Variants in EPHB2 observed in about 807,000 individuals in gnomAD.
The protein encoded by EPHB2 is EPH receptor B2.
EPHB2 carries 18 observed loss-of-function variants against 96.4 expected under a neutral mutation model. The ratio of observed to expected loss-of-function variants is 0.19; its 90% confidence interval spans 0.13 to 0.28. The LOEUF (loss-of-function observed/expected upper bound fraction) is 0.28. Ranked by LOEUF, EPHB2 falls within the 10% of genes least tolerant of loss-of-function variation. EPHB2 has a pLI of 1.00. For synonymous variants in EPHB2, 506 were observed against 534.1 expected (o/e 0.95, Z 0.72); for missense variants, 989 against 1,355.4 (o/e 0.73, Z 4.25).
chr1:22,854,460 C>T (rs1352498933), intron 3 of EPHB2, among the ~76,000 whole-genome samples: 3 of 152,028 alleles, frequency 2.0e-5, no homozygotes, highest in Non-Finnish European at 4.4e-5. Flanking sequence ...TGCAGTGAGC[C>T]GTGATTGCAC....
chr1:22,713,219 A>C (rs1282797508), intron 1 of EPHB2, among the ~76,000 whole-genome samples: 1 of 152,154 alleles, frequency 6.6e-6, no homozygotes, highest in African/African-American at 2.4e-5. Flanking sequence ...CCCCCTGGAC[A>C]CTAGGAAGTT....
At chr1:22,856,308 G>A (rs1225015957) in intron 3 of EPHB2, among the ~76,000 whole-genome samples, 1 of 152,186 alleles carries the variant, frequency 6.6e-6, no homozygotes, top group East Asian at 1.9e-4. Flanking sequence ...CAGAGCCCAG[G>A]GGCAGGCGGG....
At chr1:22,880,061 A>G (rs10753547) in intron 5 of EPHB2, among the ~76,000 whole-genome samples, 137,629 of 151,828 alleles carry the variant, frequency 0.91, 63,900 homozygotes, top group East Asian at 1. Flanking sequence ...TCTCGGTGTC[A>G]AGGGCTGCAG....
chr1:22,734,512 C>T (rs1426201052), intron 1 of EPHB2, among the ~76,000 whole-genome samples: 2 of 151,408 alleles, frequency 1.3e-5, no homozygotes, highest in Non-Finnish European at 2.9e-5. Context: ...ACCTCTGCCT[C>T]CTGGGTTCAA....
intron 1 of EPHB2, among the ~76,000 whole-genome samples, chr1:22,766,760 A>G (rs1249830130): frequency 6.6e-6 from 1 of 152,136 alleles, no homozygotes; most frequent in Non-Finnish European, 1.5e-5. Context: ...TCCGGGTCCA[A>G]TTTGCCCTTT....
intron 3 of EPHB2, among the ~76,000 whole-genome samples, chr1:22,805,562 C>G (rs76665242): frequency 0.038 from 5,735 of 152,260 alleles, 167 homozygotes; most frequent in Non-Finnish European, 0.052. Context: ...CTACAACCAC[C>G]CAGTCCAGAC....
chr1:22,738,498 A>G (rs1643868903), intron 1 of EPHB2, among the ~76,000 whole-genome samples: 1 of 152,230 alleles, frequency 6.6e-6, no homozygotes, highest in Admixed American at 6.5e-5. Context: ...ATTGCAGATG[A>G]GAAAACCAAG....
In EPHB2 at chr1:22,906,587, A is replaced by G. The variant is rs139005876; in HGVS notation, c.1889-123A>G. The G allele has an allele frequency of 9.2e-5, 134 of 1,460,160 alleles. No individual in the cohort carries two copies. The African/African-American group carries it at 1.6e-3, about 18-fold the overall frequency. The allele number at this position is 1,460,160 out of a possible 1,614,324, so 90.5% of individuals were successfully genotyped here. On this transcript the variant is annotated intron_variant, in intron 10 of 15. Transcript: ENST00000374630. The surrounding 1 kb of genome is among the most constrained non-coding windows in gnomAD (Gnocchi z 4.8). ...TTGAAGGGGTTCTGTGTCTGCAAGG[A>G]TGAGTGGGCCATTGAGAAGAAAATG... is the stretch of plus-strand genomic sequence containing the variant.
intron 5 of EPHB2, among the ~76,000 whole-genome samples, chr1:22,868,759 T>A (rs1428528202): frequency 2.0e-5 from 3 of 152,274 alleles, no homozygotes; most frequent in Non-Finnish European, 4.4e-5. Flanking sequence ...GCAGATTTAC[T>A]TGGTAAAGGA....
chr1:22,755,699 G>T (rs4655103), intron 1 of EPHB2, among the ~76,000 whole-genome samples: 140,988 of 152,242 alleles, frequency 0.93, 66,245 homozygotes, highest in East Asian at 1. Context: ...TCTGTAAAAT[G>T]GGACTAATAC....
At chr1:22,713,424 T>G (rs1204123784) in intron 1 of EPHB2, among the ~76,000 whole-genome samples, 1 of 152,102 alleles carries the variant, frequency 6.6e-6, no homozygotes, top group African/African-American at 2.4e-5. Context: ...CTACTTCCCC[T>G]CTTTGAGCCT....
intron 1 of EPHB2, among the ~76,000 whole-genome samples, chr1:22,718,371 T>C (rs1643346240): frequency 6.8e-6 from 1 of 146,340 alleles, no homozygotes; most frequent in Non-Finnish European, 1.5e-5. Context: ...TGGGAATGGC[T>C]GTCAATTCTT....
In EPHB2 at chr1:22,763,436, C is replaced by T. The variant is rs150204071; in HGVS notation, c.62-17985C>T. Reference sequence around the variant, plus strand: ...GGGCCCAGTCACACAGGACCAGCACCTGCCCTGCCTCAGCTCCAAGCCTCT... The same window carrying T: ...GGGCCCAGTCACACAGGACCAGCACTTGCCCTGCCTCAGCTCCAAGCCTCT... On this transcript the variant is annotated intron_variant, in intron 1 of 15. Transcript: ENST00000374630. Among the ~76,000 whole-genome samples the T allele has an allele frequency of 4.7e-3, 716 of 152,268 alleles. 3 individuals carry two copies. The highest frequency in any genetic ancestry group is 8.3e-3 in the Non-Finnish European group (566 of 68,018).
chr1:22,740,010 A>G (rs1412921896), intron 1 of EPHB2, among the ~76,000 whole-genome samples: 1 of 152,200 alleles, frequency 6.6e-6, no homozygotes, highest in Admixed American at 6.5e-5. Flanking sequence ...CCTTAGAGAA[A>G]CCAGGCGCTG....
At chr1:22,864,650 A>G (rs910022649) in intron 4 of EPHB2, among the ~76,000 whole-genome samples, 10 of 152,216 alleles carry the variant, frequency 6.6e-5, no homozygotes, top group African/African-American at 2.4e-4. Flanking sequence ...TACTATCCTC[A>G]GTAACAAACA....
chr1:22,908,492 T>C (rs910073102), intron 12 of EPHB2, among the ~76,000 whole-genome samples: 16 of 152,312 alleles, frequency 1.1e-4, no homozygotes, highest in African/African-American at 3.8e-4. Flanking sequence ...CATGTTCTCA[T>C]GGCAAAGTCC....
At chr1:22,730,622 AGAGGGGGTTCAGGGATATCTGGGG>A (rs1370859670) in intron 1 of EPHB2, among the ~76,000 whole-genome samples, 1 of 150,632 alleles carries the variant, frequency 6.6e-6, no homozygotes, top group Non-Finnish European at 1.5e-5. Flanking sequence ...AGGAAGCAAG[AGAGGGGGTTCAGGGATATCTGGGG>A]GAGGGTGTTT....
intron 1 of EPHB2, among the ~76,000 whole-genome samples, chr1:22,718,640 G>A (rs1212435940): frequency 3.3e-5 from 5 of 151,986 alleles, no homozygotes; most frequent in African/African-American, 4.8e-5. Context: ...CACCTGCCTC[G>A]GCCTCCCAAA....
At chr1:22,873,372 C>G (rs1228202382) in intron 5 of EPHB2, among the ~76,000 whole-genome samples, 1 of 152,220 alleles carries the variant, frequency 6.6e-6, no homozygotes, top group African/African-American at 2.4e-5. Flanking sequence ...AGCAAGTCCA[C>G]CTGTGCATGT....
Sources: allele counts gnomAD v4.1 joint callset (sites outside exome capture counted in the v4.1 genomes callset), GRCh38; gene constraint gnomAD v4.1.1; non-coding constraint Gnocchi (gnomAD v3.1); transcripts MANE v1.5; gene names NCBI Gene and HGNC (gene_info 2026-07-23, HGNC 2026-07-21).